RBM6: variants seen among roughly 807,000 people sequenced by gnomAD.
RBM6 encodes RNA-binding protein 6.
In RBM6, 23 loss-of-function variants were observed where a neutral mutation model predicts 140.4. That is an observed-to-expected ratio of 0.16 (90% CI 0.12 to 0.23). RBM6 has a LOEUF of 0.23. Ranked by LOEUF, RBM6 falls within the 10% of genes least tolerant of loss-of-function variation. The pLI, the probability that RBM6 is intolerant of heterozygous loss-of-function variation, is 1.00. For synonymous variants in RBM6, 439 were observed against 475.6 expected (o/e 0.92, Z 1.00); for missense variants, 1,139 against 1,386.7 (o/e 0.82, Z 2.84).
intron 16 of RBM6, 131 bp from the exon 17 acceptor site, chr3:50,066,111 G>A (rs1023172153): frequency 6.0e-6 from 6 of 998,142 alleles, no homozygotes; most frequent in South Asian, 3.6e-5. Context: ...TCTGGGAAAT[G>A]AGCAGCATGG....
At chr3:50,009,880 T>A (rs1219395025) in intron 6 of RBM6, among the ~76,000 whole-genome samples, 3 of 152,102 alleles carry the variant, frequency 2.0e-5, no homozygotes, top group Admixed American at 2.0e-4. Flanking sequence ...TTATTATTTA[T>A]TTTTATTTTT....
chr3:50,048,572 A>G (rs922279630), intron 7 of RBM6, among the ~76,000 whole-genome samples: 1 of 152,176 alleles, frequency 6.6e-6, no homozygotes, highest in Non-Finnish European at 1.5e-5. Flanking sequence ...CATTATTTCT[A>G]TCAGTTATAA....
At chr3:49,956,647 T>TA (rs1289198464) in intron 1 of RBM6, among the ~76,000 whole-genome samples, 1 of 147,606 alleles carries the variant, frequency 6.8e-6, no homozygotes, top group Non-Finnish European at 1.5e-5. Context: ...TTTATTTTTT[T>TA]ATTTTTATTT....
chr3:49,949,920 G>A (rs929335751), intron 1 of RBM6, among the ~76,000 whole-genome samples: 1 of 151,912 alleles, frequency 6.6e-6, no homozygotes, highest in Non-Finnish European at 1.5e-5. Context: ...ATGGGGTTTC[G>A]CCATATTGGC....
chr3:50,040,401 G>T lies in RBM6; in HGVS notation c.1558-7844G>T, dbSNP rs933845405. ...GCAGAGCTTGCAGTGAGCTGAGATC[G>T]CACCACTGCACTCCAGCCTGGGTGA... is the stretch of plus-strand genomic sequence containing the variant. On this transcript the variant is annotated intron_variant, in intron 6 of 20. Coordinates refer to ENST00000266022, the MANE Select transcript of RBM6 (RefSeq NM_005777.3). 2.6e-4 allele frequency among the ~76,000 whole-genome samples: 35 copies of T among 133,828 alleles called. 1 individual carries two copies. Among genetic ancestry groups the T allele is most frequent in the Non-Finnish European group, 2.1e-4 (14 of 65,264 alleles). The allele number at this position is 133,828 out of a possible 152,430, so 87.8% of individuals were successfully genotyped here.
At chr3:49,991,293 C>T (rs1439111755) in intron 5 of RBM6, among the ~76,000 whole-genome samples, 3 of 152,142 alleles carry the variant, frequency 2.0e-5, no homozygotes, top group Non-Finnish European at 2.9e-5. Flanking sequence ...AATCAGGAAG[C>T]TCTCTGAGCC....
Position 49,956,755 on chromosome 3 carries a change from TC to T in RBM6, c.-66-5819del, listed in dbSNP as rs1212341996. 5.9e-5 allele frequency among the ~76,000 whole-genome samples: 9 copies of T among 152,210 alleles called. No homozygotes were observed. In the East Asian group the frequency reaches 1.4e-3, roughly 23 times the overall value. On this transcript the variant is annotated intron_variant, in intron 1 of 20. Transcript: ENST00000266022. Reference sequence around the variant, plus strand: ...ATCTCAGCTCACCGCAGCCTCCGCCTCCTGGGTTCAAGTGATTCTCCTGCCT... The same window carrying T: ...ATCTCAGCTCACCGCAGCCTCCGCCTCTGGGTTCAAGTGATTCTCCTGCCT...
rs150879154 is a variant in RBM6 at position 50,009,449 on chromosome 3, C to T, written c.1557+9936C>T. Among the ~76,000 whole-genome samples the T allele has an allele frequency of 2.6e-4, 40 of 152,302 alleles. No homozygotes were observed. The East Asian group carries it at 7.7e-3, about 29-fold the overall frequency. Reference sequence around the variant, plus strand: ...ACAGTATATCTTTATGTCCCCCTCTCCACAGGTGTTTAAGTGTTGTCATTC... The same window carrying T: ...ACAGTATATCTTTATGTCCCCCTCTTCACAGGTGTTTAAGTGTTGTCATTC... On this transcript the variant is annotated intron_variant, in intron 6 of 20. Coordinates refer to ENST00000266022, the MANE Select transcript of RBM6 (RefSeq NM_005777.3).
intron 2 of RBM6, among the ~76,000 whole-genome samples, chr3:49,963,760 G>A (rs751591213): frequency 1.4e-4 from 21 of 152,068 alleles, no homozygotes; most frequent in Non-Finnish European, 2.4e-4. Context: ...TTTTCGTATT[G>A]TGTTTACAAT....
At chr3:50,011,759 A>G (rs1453714975) in intron 6 of RBM6, among the ~76,000 whole-genome samples, 1 of 152,112 alleles carries the variant, frequency 6.6e-6, no homozygotes, top group African/African-American at 2.4e-5. Context: ...TTAACTGTAC[A>G]ATTCAATGAT....
chr3:50,047,628 G>A (rs534585385), intron 6 of RBM6, among the ~76,000 whole-genome samples: 4 of 152,194 alleles, frequency 2.6e-5, no homozygotes, highest in Non-Finnish European at 4.4e-5. Context: ...TACCGCCGCC[G>A]CCGCTGTTGC....
At chr3:50,026,133 G>A (rs1342953353) in intron 6 of RBM6, among the ~76,000 whole-genome samples, 1 of 151,390 alleles carries the variant, frequency 6.6e-6, no homozygotes, top group Admixed American at 6.6e-5. Context: ...CTTCCAGGCT[G>A]GAGTGCAGTG....
At chr3:49,990,521 T>G (rs953753228) in intron 5 of RBM6, among the ~76,000 whole-genome samples, 1 of 152,244 alleles carries the variant, frequency 6.6e-6, no homozygotes, top group African/African-American at 2.4e-5. Flanking sequence ...TGGCTGTAAT[T>G]AAAACACTAT....
intron 6 of RBM6, among the ~76,000 whole-genome samples, chr3:50,029,437 TTA>T (rs2088021099): frequency 6.6e-6 from 1 of 151,844 alleles, no homozygotes; most frequent in Non-Finnish European, 1.5e-5. Flanking sequence ...CACTCAGAGG[TTA>T]AAGGAATCAT....
Position 49,962,556 on chromosome 3 carries a change from T to C in RBM6, c.-66-20T>C. The C allele has an allele frequency of 4.2e-6, 5 of 1,204,654 alleles. No homozygotes were observed. The highest frequency in any genetic ancestry group is 5.9e-6 in the Non-Finnish European group (5 of 852,344). The allele number at this position is 1,204,654 out of a possible 1,614,324, so 74.6% of individuals were successfully genotyped here. ...AGTTCACATTCTAAAGTACTAATTTTTGTGGTTTATTTTGTACAGGTACTG... is the reference window on the plus strand; with the variant it reads ...AGTTCACATTCTAAAGTACTAATTTCTGTGGTTTATTTTGTACAGGTACTG... On this transcript the variant is annotated intron_variant, in intron 1 of 20. Coordinates refer to ENST00000266022, the MANE Select transcript of RBM6 (RefSeq NM_005777.3).
intron 6 of RBM6, among the ~76,000 whole-genome samples, chr3:50,000,424 C>CTTTT (rs545032948): frequency 8.8e-6 from 1 of 113,632 alleles, no homozygotes. Flanking sequence ...TTCTTTCTTT[C>CTTTT]TTTTTTTTTT....
chr3:50,076,218 C>T (rs1252520918), intron 20 of RBM6, among the ~76,000 whole-genome samples: 2 of 151,846 alleles, frequency 1.3e-5, no homozygotes, highest in African/African-American at 4.8e-5. Flanking sequence ...ATCCGCCCAC[C>T]TCAGCCTCCC....
chr3:50,068,603 C>A, intron 17 of RBM6, 87 bp from the exon 18 acceptor site: 1 of 1,255,378 alleles, frequency 8.0e-7, no homozygotes, highest in Non-Finnish European at 1.1e-6. Context: ...AGCTACAATC[C>A]AAAAGCAACT....
intron 6 of RBM6, among the ~76,000 whole-genome samples, chr3:50,022,772 G>A (rs1444258409): frequency 6.6e-6 from 1 of 152,080 alleles, no homozygotes; most frequent in African/African-American, 2.4e-5. Context: ...ATCTTAGCCT[G>A]TCTAGTCTTA....
Sources: gnomAD v4.1 joint callset for allele counts (sites outside exome capture counted in the v4.1 genomes callset) on GRCh38, gnomAD v4.1.1 for gene constraint, MANE v1.5 for transcripts, NCBI Gene and HGNC (gene_info 2026-07-23, HGNC 2026-07-21) for gene names.